Variants in EPHA6 observed in about 807,000 individuals in gnomAD.
EPHA6 encodes EPH receptor A6.
Under a neutral mutation model 112.0 loss-of-function variants are expected in EPHA6, and 50 were observed. The ratio of observed to expected loss-of-function variants is 0.45; its 90% CI spans 0.36 to 0.56. The LOEUF (loss-of-function observed/expected upper bound fraction) is 0.56, where lower values mean the gene tolerates loss of function less well. Among genes scored for constraint, EPHA6 ranks in the 20% least tolerant of loss-of-function variants. The probability of loss-of-function intolerance (pLI) is 0.00; values close to 1 mark genes in which losing one functional copy is unlikely to be tolerated. For missense variants in EPHA6, 1,280 were observed against 1,417.4 expected (o/e 0.90, Z 1.56); for synonymous variants, 529 against 490.7 (o/e 1.08, Z -1.03).
intron 3 of EPHA6, among the ~76,000 whole-genome samples, chr3:97,090,057 C>A (rs1404130566): frequency 6.6e-6 from 1 of 151,812 alleles, no homozygotes; most frequent in African/African-American, 2.4e-5. Flanking sequence ...ATTATAATTG[C>A]TATTCATATC....
intron 10 of EPHA6, among the ~76,000 whole-genome samples, chr3:97,491,925 A>G (rs1331451098): frequency 6.6e-6 from 1 of 152,132 alleles, no homozygotes; most frequent in Non-Finnish European, 1.5e-5. Flanking sequence ...GATCAAAGCA[A>G]GTCACAAAGC....
At chr3:97,401,200 T>C (rs1384792260) in intron 5 of EPHA6, among the ~76,000 whole-genome samples, 1 of 151,786 alleles carries the variant, frequency 6.6e-6, no homozygotes, top group Non-Finnish European at 1.5e-5. Flanking sequence ...TTCATTCTGT[T>C]GATGTGATAG....
chr3:97,086,518 C>T (rs994363692), intron 3 of EPHA6, among the ~76,000 whole-genome samples: 2 of 151,782 alleles, frequency 1.3e-5, no homozygotes, highest in Non-Finnish European at 2.9e-5. Context: ...TTATTATTTT[C>T]CTACTTTGCA....
At chr3:97,681,722 C>T (rs930712129) in intron 14 of EPHA6, among the ~76,000 whole-genome samples, 1 of 151,962 alleles carries the variant, frequency 6.6e-6, no homozygotes, top group African/African-American at 2.4e-5. Context: ...GTGCATTGAT[C>T]CTTTTTTAAT....
At chr3:97,448,490 G>A (rs2090423243) in intron 6 of EPHA6, 78 bp from the exon 7 acceptor site, 8 of 1,467,558 alleles carry the variant, frequency 5.5e-6, no homozygotes, top group Non-Finnish European at 7.6e-6. Flanking sequence ...TAATTTCTCA[G>A]TTAAACTTTG....
intron 1 of EPHA6, among the ~76,000 whole-genome samples, chr3:96,829,466 C>T (rs143698563): frequency 6.6e-6 from 1 of 152,038 alleles, no homozygotes; most frequent in Non-Finnish European, 1.5e-5. Flanking sequence ...ACAGGATGCT[C>T]CTTTTCCAAT....
At chr3:97,143,523 G>A (rs2075962746) in intron 3 of EPHA6, among the ~76,000 whole-genome samples, 1 of 151,648 alleles carries the variant, frequency 6.6e-6, no homozygotes, top group Non-Finnish European at 1.5e-5. Flanking sequence ...TCCTTCTGTC[G>A]TTTTCCAAAT....
Position 97,648,132 on chromosome 3 carries a change from G to A in EPHA6, c.2784+10050G>A, listed in dbSNP as rs1438244701. 2.6e-5 allele frequency among the ~76,000 whole-genome samples: 4 copies of A among 152,074 alleles called. No homozygotes were observed. The South Asian group carries it at 6.2e-4, about 24-fold the overall frequency. ...TTTAACTTCTAATTGCATCGATTTT[G>A]TGTTATCCATGGCAAATTTTGGTTT... On this transcript the variant is annotated intron_variant, in intron 14 of 17. Coordinates refer to ENST00000389672, the MANE Select transcript of EPHA6 (RefSeq NM_001080448.3).
At chr3:97,315,094 CT>C in intron 5 of EPHA6, among the ~76,000 whole-genome samples, 1 of 151,692 alleles carries the variant, frequency 6.6e-6, no homozygotes, top group South Asian at 2.1e-4. Context: ...AAAAAGTTCT[CT>C]CTGCAGAAGA....
chr3:97,367,877 A>C (rs1173572838), intron 5 of EPHA6, among the ~76,000 whole-genome samples: 1 of 152,214 alleles, frequency 6.6e-6, no homozygotes, highest in East Asian at 1.9e-4. Context: ...TCCTAAAAAA[A>C]GTCAATACAT....
At chr3:97,119,961 C>T (rs1327826722) in intron 3 of EPHA6, among the ~76,000 whole-genome samples, 1 of 151,826 alleles carries the variant, frequency 6.6e-6, no homozygotes, top group East Asian at 1.9e-4. Context: ...TGCTGAATTC[C>T]GGAGTTGCAG....
intron 2 of EPHA6, among the ~76,000 whole-genome samples, chr3:96,913,534 G>A (rs1000615821): frequency 3.3e-5 from 5 of 151,800 alleles, no homozygotes; most frequent in Non-Finnish European, 5.9e-5. Flanking sequence ...AGTCATATCC[G>A]CCTTATATAG....
At chr3:97,048,100 A>C (rs1559693404) in intron 3 of EPHA6, among the ~76,000 whole-genome samples, 1 of 152,242 alleles carries the variant, frequency 6.6e-6, no homozygotes, top group Non-Finnish European at 1.5e-5. Context: ...TAAATAATTC[A>C]ATAAAACAAA....
chr3:96,929,602 C>T (rs560573324), intron 2 of EPHA6, among the ~76,000 whole-genome samples: 164 of 152,330 alleles, frequency 1.1e-3, no homozygotes, highest in Non-Finnish European at 1.4e-3. Context: ...TGCCGTTCGT[C>T]TGTTGGGCTT....
intron 2 of EPHA6, among the ~76,000 whole-genome samples, chr3:96,978,641 A>C (rs966442346): frequency 6.6e-6 from 1 of 152,028 alleles, no homozygotes; most frequent in Non-Finnish European, 1.5e-5. Flanking sequence ...TCTAATTCTA[A>C]TTTATTTTAA....
chr3:97,751,000 A>C lies in EPHA6; in HGVS notation c.*2299A>C, dbSNP rs139600709. Among the ~76,000 whole-genome samples the C allele has an allele frequency of 3.5e-4, 54 of 152,132 alleles. No individual in the cohort carries two copies. The highest frequency in any genetic ancestry group is 1.3e-3 in the African/African-American group (53 of 41,420). ...AAATCTGGATACACTTAGAAGAAATATAAAATTTCCATATTTACCTATCTT... is the reference window on the plus strand; with the variant it reads ...AAATCTGGATACACTTAGAAGAAATCTAAAATTTCCATATTTACCTATCTT... On this transcript the variant is annotated 3_prime_UTR_variant, in exon 18 of 18. Transcript: ENST00000389672.
At chr3:96,941,942 C>T (rs558000333) in intron 2 of EPHA6, among the ~76,000 whole-genome samples, 112 of 152,122 alleles carry the variant, frequency 7.4e-4, no homozygotes, top group Non-Finnish European at 1.5e-3. Flanking sequence ...TTTTCATGAA[C>T]GCAAATGCTG....
intron 10 of EPHA6, among the ~76,000 whole-genome samples, chr3:97,525,470 T>C (rs1325693382): frequency 1.3e-5 from 2 of 152,188 alleles, no homozygotes; most frequent in Non-Finnish European, 2.9e-5. Context: ...TTTTGAATCC[T>C]TTTTCCAGTA....
At chr3:97,417,357 G>A (rs2088209394) in intron 6 of EPHA6, among the ~76,000 whole-genome samples, 1 of 151,692 alleles carries the variant, frequency 6.6e-6, no homozygotes, top group Admixed American at 6.6e-5. Flanking sequence ...TAAAAATTAG[G>A]GAATAAATGA....
Sources: allele counts gnomAD v4.1 joint callset (sites outside exome capture counted in the v4.1 genomes callset), GRCh38; gene constraint gnomAD v4.1.1; transcripts MANE v1.5; gene names NCBI Gene and HGNC (gene_info 2026-07-23, HGNC 2026-07-21).